DOCK2: variants seen among roughly 807,000 people sequenced by gnomAD.
The protein encoded by DOCK2 is dedicator of cytokinesis protein 2.
Under a neutral mutation model 248.9 loss-of-function variants are expected in DOCK2, and 87 were observed. That is an observed-to-expected ratio of 0.35 (90% confidence interval 0.29 to 0.42). DOCK2 has a LOEUF of 0.42. DOCK2 is among the 10% of genes least tolerant of loss of function. The pLI is 1.00. For synonymous variants in DOCK2, 805 were observed against 821.6 expected (o/e 0.98, Z 0.35); for missense variants, 1,747 against 2,300.2 (o/e 0.76, Z 4.92).
At chr5:169,895,168 C>T (rs747678582) in intron 27 of DOCK2, among the ~76,000 whole-genome samples, 22 of 152,182 alleles carry the variant, frequency 1.4e-4, no homozygotes, top group African/African-American at 1.9e-4. Context: ...GATGGGCTCA[C>T]GGTGTTTGCC....
At chr5:169,927,619 A>C (rs1216063814) in intron 27 of DOCK2, among the ~76,000 whole-genome samples, 2 of 152,210 alleles carry the variant, frequency 1.3e-5, no homozygotes, top group Non-Finnish European at 2.9e-5. Flanking sequence ...ACATATAGGA[A>C]AAATTCTTGT....
chr5:169,923,599 G>A (rs929608042), intron 27 of DOCK2, among the ~76,000 whole-genome samples: 20 of 152,114 alleles, frequency 1.3e-4, no homozygotes, highest in East Asian at 3.9e-4. Context: ...CCTTGGGCAC[G>A]TCTCTATCCC....
intron 27 of DOCK2, among the ~76,000 whole-genome samples, chr5:169,873,001 A>G (rs1473272958): frequency 6.6e-6 from 1 of 152,218 alleles, no homozygotes; most frequent in Non-Finnish European, 1.5e-5. Context: ...TTGATGGAGA[A>G]ATAAAGATCG....
At chr5:169,738,581 G>A (rs1763158797) in intron 22 of DOCK2, among the ~76,000 whole-genome samples, 1 of 152,124 alleles carries the variant, frequency 6.6e-6, no homozygotes, top group South Asian at 2.1e-4. Flanking sequence ...GCTTGGTTTT[G>A]GACAATACAT....
rs551802371 is a variant in DOCK2 at position 170,038,572 on chromosome 5, G to A, written c.3665+2017G>A. 9.9e-5 allele frequency among the ~76,000 whole-genome samples: 15 copies of A among 152,266 alleles called. No homozygotes were observed. The East Asian group carries it at 1.7e-3, about 18-fold the overall frequency. On this transcript the variant is annotated intron_variant, in intron 36 of 51. Transcript: ENST00000520908. ...CGTCCTATTCTGACGACTGTTAGCC[G>A]AACCGGGTGGTGGCAGCCATTCTGG...
At chr5:169,714,312 A>G in intron 18 of DOCK2, 48 bp from the exon 19 acceptor site, 1 of 1,613,386 alleles carries the variant, frequency 6.2e-7, no homozygotes. Context: ...CCTGATATGG[A>G]CAGTTAGGCC....
chr5:169,972,848 A>G (rs1398777187), intron 27 of DOCK2, among the ~76,000 whole-genome samples: 1 of 152,156 alleles, frequency 6.6e-6, no homozygotes, highest in Non-Finnish European at 1.5e-5. Context: ...GCTGCAGTTA[A>G]GCACTGCGGA....
intron 39 of DOCK2, 129 bp downstream of exon 39, chr5:170,046,034 A>G (rs1445992366): frequency 2.5e-6 from 2 of 789,672 alleles, no homozygotes; most frequent in Non-Finnish European, 4.3e-6. Context: ...GAACGGAAGT[A>G]GGACCTGAGA....
intron 22 of DOCK2, among the ~76,000 whole-genome samples, chr5:169,725,123 G>A (rs981743813): frequency 7.2e-5 from 11 of 152,308 alleles, no homozygotes; most frequent in Admixed American, 2.6e-4. Context: ...TTTCTTCTGC[G>A]TGTAATTTGT....
chr5:169,932,135 G>A lies in DOCK2; in HGVS notation c.2800-50933G>A, dbSNP rs144251404. On this transcript the variant is annotated intron_variant, in intron 27 of 51. Coordinates refer to ENST00000520908, the MANE Select transcript of DOCK2 (RefSeq NM_004946.3). Reference sequence around the variant, plus strand: ...TATATAGTGAGATAAAGTGGCGTAAGAGCATATGATGGAGGTGACAGAAGC... The same window carrying A: ...TATATAGTGAGATAAAGTGGCGTAAAAGCATATGATGGAGGTGACAGAAGC... Among the ~76,000 whole-genome samples, 800 of 152,286 alleles carry A rather than the reference G, an allele frequency of 5.3e-3. 11 individuals are homozygous for A. The highest frequency in any genetic ancestry group is 0.018 in the African/African-American group (748 of 41,540).
chr5:169,818,649 G>T (rs974113233), intron 26 of DOCK2, among the ~76,000 whole-genome samples: 1 of 151,984 alleles, frequency 6.6e-6, no homozygotes. Context: ...GCCTTCTCTG[G>T]TGGTGACAGA....
chr5:169,666,121 C>A (rs1034850221), intron 2 of DOCK2, among the ~76,000 whole-genome samples: 3 of 152,156 alleles, frequency 2.0e-5, no homozygotes, highest in African/African-American at 7.2e-5. Flanking sequence ...ACCAGCAGAT[C>A]TGGTTTCTGG....
intron 27 of DOCK2, among the ~76,000 whole-genome samples, chr5:169,976,127 C>G (rs1777709412): frequency 6.6e-6 from 1 of 152,148 alleles, no homozygotes. Context: ...TTCAATCTCC[C>G]ATCTAACAAA....
rs142162284 is a variant in DOCK2 at position 169,728,031 on chromosome 5, G to A, written c.2267+9240G>A. 3.1e-3 allele frequency among the ~76,000 whole-genome samples: 475 copies of A among 152,292 alleles called. 1 individual carries two copies. Among genetic ancestry groups the A allele is most frequent in the Non-Finnish European group, 5.6e-3 (383 of 68,014 alleles). On this transcript the variant is annotated intron_variant, in intron 22 of 51. Coordinates refer to ENST00000520908, the MANE Select transcript of DOCK2 (RefSeq NM_004946.3). Reference sequence around the variant, plus strand: ...CTAAGGTAGTGACGGTGGTACTGGGGAAGAGGAGAGGAAGAAGATAAAGGT... The same window carrying A: ...CTAAGGTAGTGACGGTGGTACTGGGAAAGAGGAGAGGAAGAAGATAAAGGT...
chr5:169,881,823 G>A (rs1157129451), intron 27 of DOCK2, among the ~76,000 whole-genome samples: 1 of 152,156 alleles, frequency 6.6e-6, no homozygotes, highest in Admixed American at 6.5e-5. Context: ...ACAGCAAACA[G>A]CAGTTAATGA....
chr5:169,913,515 G>A (rs1372504549), intron 27 of DOCK2, among the ~76,000 whole-genome samples: 1 of 151,964 alleles, frequency 6.6e-6, no homozygotes, highest in Non-Finnish European at 1.5e-5. Context: ...GTTGGGAGAT[G>A]GTGTTTAAAT....
At chr5:170,028,517 C>G (rs1756006068) in intron 34 of DOCK2, 1 of 154,392 alleles carries the variant, frequency 6.5e-6, no homozygotes, top group African/African-American at 2.4e-5. Context: ...CAGGGGCAGA[C>G]AGTGGACAGA....
chr5:170,067,915 G>T (rs949292908), intron 45 of DOCK2, among the ~76,000 whole-genome samples: 2 of 152,162 alleles, frequency 1.3e-5, no homozygotes, highest in Non-Finnish European at 2.9e-5. Flanking sequence ...GCAGGGAGGG[G>T]CAGGAAGGGG....
At chr5:169,869,276 T>A (rs568959173) in intron 27 of DOCK2, among the ~76,000 whole-genome samples, 3 of 152,328 alleles carry the variant, frequency 2.0e-5, no homozygotes, top group African/African-American at 7.2e-5. Context: ...AGGGTTTCAT[T>A]ATAATCACTG....
Sources: allele counts gnomAD v4.1 joint callset (sites outside exome capture counted in the v4.1 genomes callset), GRCh38; gene constraint gnomAD v4.1.1; transcripts MANE v1.5; gene names NCBI Gene and HGNC (gene_info 2026-07-23, HGNC 2026-07-21).